The following ZNF737 variants were observed in gnomAD, a reference collection of about 807,000 sequenced individuals.
ZNF737 encodes zinc finger protein 737, also known as zinc finger protein 102 (Y3).
ZNF737 carries 13 observed loss-of-function variants against 11.7 expected under a neutral mutation model. The ratio of observed to expected loss-of-function variants is 1.11; its 90% CI spans 0.73 to 1.77. ZNF737 has a LOEUF of 1.77. Among genes scored for constraint, ZNF737 ranks in the 40% most tolerant of loss-of-function variants. The pLI, the probability that ZNF737 is intolerant of heterozygous loss-of-function variation, is 0.00. For synonymous variants in ZNF737, 217 were observed against 216.2 expected (o/e 1.00, Z -0.03); for missense variants, 636 against 638.0 (o/e 1.00, Z 0.03).
chr19:20,552,406 T>C, intron 3 of ZNF737, 69 bp downstream of exon 3: 2 of 1,123,258 alleles, frequency 1.8e-6, no homozygotes, highest in South Asian at 3.4e-5. Flanking sequence ...CTTTAAGGAC[T>C]GGCTTTCTCT....
rs1205030886 is a variant in ZNF737 at position 20,539,703 on chromosome 19, T to C, written c.*4889A>G. On this transcript the variant is annotated 3_prime_UTR_variant, in exon 4 of 4. Coordinates refer to ENST00000427401, the MANE Select transcript of ZNF737 (RefSeq NM_001159293.2). ...ATTTATAAATTCATTGTTTTTAAGG[T>C]TTTTCAAATATGAAAACAGACAATT... 1.0e-6 allele frequency: 1 copy of C among 969,628 alleles called. No homozygotes were observed. Among genetic ancestry groups the C allele is most frequent in the Non-Finnish European group, 1.2e-6 (1 of 815,872 alleles). The allele number at this position is 969,628 out of a possible 1,614,324, so 60.1% of individuals were successfully genotyped here.
intron 1 of ZNF737, among the ~76,000 whole-genome samples, chr19:20,563,734 C>T (rs1185575490): frequency 2.0e-5 from 3 of 152,106 alleles, no homozygotes; most frequent in African/African-American, 7.2e-5. Flanking sequence ...GATCCACTCA[C>T]CTCGGCCTCC....
At position 20,542,861 on chromosome 19, in the gene ZNF737, C is replaced by T. The variant is rs1418508912; in HGVS notation, c.*1731G>A. Reference sequence around the variant, plus strand: ...CATGTGAATAGAAATAAAATAACAGCATAATTTGAAAGCTGTATTACATCA... The same window carrying T: ...CATGTGAATAGAAATAAAATAACAGTATAATTTGAAAGCTGTATTACATCA... On this transcript the variant is annotated 3_prime_UTR_variant, in exon 4 of 4. Transcript: ENST00000427401. 6 of 984,922 alleles carry T rather than the reference C, an allele frequency of 6.1e-6. No homozygotes were observed. The African/African-American group carries it at 1.0e-4, about 17-fold the overall frequency. The allele number at this position is 984,922 out of a possible 1,614,324, so 61.0% of individuals were successfully genotyped here. A position where few individuals can be genotyped will look rare whatever the true frequency, so the allele number is the denominator to read the frequency against.
At chr19:20,561,970 G>C (rs1388156576) in intron 1 of ZNF737, among the ~76,000 whole-genome samples, 1 of 152,166 alleles carries the variant, frequency 6.6e-6, no homozygotes, top group Non-Finnish European at 1.5e-5. Context: ...ACGAATAAAA[G>C]AGATGGGGAA....
chr19:20,562,091 T>C (rs1479068983), intron 1 of ZNF737, among the ~76,000 whole-genome samples: 1 of 152,140 alleles, frequency 6.6e-6, no homozygotes, highest in Non-Finnish European at 1.5e-5. Context: ...CATTATGACT[T>C]AGTGCTCTCT....
chr19:20,545,630 A>G lies in ZNF737; in HGVS notation c.573T>C (p.His191=). Residue 191 remains histidine (H), a synonymous_variant, in exon 4 of 4, where the codon CAT becomes CAC. Transcript: ENST00000427401. ...AFNQSSTLTT[H]KKIHTGEKPF... ...GTTTCTCCCCAGTATGAATTTTCTT[A>G]TGTGTAGTAAGGGTTGAAGACTGGT... The G allele has an allele frequency of 6.2e-7, 1 of 1,614,018 alleles. No individual in the cohort carries two copies. The highest frequency in any genetic ancestry group is 8.5e-7 in the Non-Finnish European group (1 of 1,179,962).
At chr19:20,547,401 A>AAAAAC (rs375309959) in intron 3 of ZNF737, among the ~76,000 whole-genome samples, 13 of 141,220 alleles carry the variant, frequency 9.2e-5, no homozygotes, top group East Asian at 4.2e-4. Flanking sequence ...AAAAAAAAAA[A>AAAAAC]CACCACCTAC....
chr19:20,556,502 T>C (rs1273567262), intron 1 of ZNF737, among the ~76,000 whole-genome samples: 4 of 152,224 alleles, frequency 2.6e-5, no homozygotes, highest in Non-Finnish European at 4.4e-5. Context: ...CTCCACTTTA[T>C]GTAATGTGAT....
At chr19:20,535,374 G>C (rs1205684400), downstream of ZNF737, among the ~76,000 whole-genome samples, 1 of 152,094 alleles carries the variant, frequency 6.6e-6, no homozygotes, top group Non-Finnish European at 1.5e-5. Context: ...TCACCAATAG[G>C]TGAATGGAGA....
chr19:20,560,375 G>A (rs1329238003), intron 1 of ZNF737, among the ~76,000 whole-genome samples: 2 of 151,310 alleles, frequency 1.3e-5, no homozygotes, highest in African/African-American at 4.9e-5. Flanking sequence ...AAAAGATTTA[G>A]TCAAAATAAA....
At position 20,538,457 on chromosome 19, in the gene ZNF737, C is replaced by T. The variant is rs1210885350; in HGVS notation, c.*6135G>A. Among the ~76,000 whole-genome samples, 3 of 152,316 alleles carry T rather than the reference C, an allele frequency of 2.0e-5. No homozygotes were observed. In the East Asian group the frequency reaches 5.8e-4, roughly 29 times the overall value. On this transcript the variant is annotated 3_prime_UTR_variant, in exon 4 of 4. Transcript: ENST00000427401. ...GACATACAGAATGTGAGGTCCCATTCCAGCCAATGAAAACCAGACACAGCA... is the reference window on the plus strand; with the variant it reads ...GACATACAGAATGTGAGGTCCCATTTCAGCCAATGAAAACCAGACACAGCA...
In ZNF737 at chr19:20,544,302, G is replaced by T; in HGVS notation, c.*290C>A. The T allele has an allele frequency of 8.1e-7, 1 of 1,234,296 alleles. No homozygotes were observed. Among genetic ancestry groups the T allele is most frequent in the Non-Finnish European group, 1.0e-6 (1 of 986,686 alleles). 76.5% of individuals were successfully genotyped at this position (1,234,296 alleles called of 1,614,324 possible). ...ATATAAATTCTCATATTTAGTAAAA[G>T]TTGATAGCTGGTTAAAGGCTTTCCG... On this transcript the variant is annotated 3_prime_UTR_variant, in exon 4 of 4. Coordinates refer to ENST00000427401, the MANE Select transcript of ZNF737 (RefSeq NM_001159293.2).
At chr19:20,564,839 C>G (rs1291913756) in intron 1 of ZNF737, among the ~76,000 whole-genome samples, 1 of 110,052 alleles carries the variant, frequency 9.1e-6, no homozygotes, top group Non-Finnish European at 2.1e-5. Flanking sequence ...AAAATCTAAG[C>G]TCATGTGCAT....
chr19:20,553,649 AAG>A, intron 2 of ZNF737, 58 bp downstream of exon 2: 2 of 1,512,024 alleles, frequency 1.3e-6, no homozygotes, highest in Non-Finnish European at 9.0e-7. Flanking sequence ...AAAATTCTAC[AAG>A]AGAGAGAAAT....
Position 20,553,740 on chromosome 19 carries a change from C to T in ZNF737, c.99G>A (p.Met33Ile), listed in dbSNP as rs1968782564. The change falls in exon 2 of 4, where the codon ATG becomes ATA. Residue 33 changes from methionine (M) to isoleucine (I), a missense_variant. Transcript: ENST00000427401. ...TAQRNLYRNVMLENYRNLVFL... is the reference protein window; with the variant it reads ...TAQRNLYRNVILENYRNLVFL... ...AGACCAGGTTTCTGTAGTTCTCTAA[C>T]ATCACATTCCTATATAAATTCCGCT... is the stretch of plus-strand genomic sequence containing the variant. The T allele has an allele frequency of 6.2e-7, 1 of 1,613,936 alleles. No homozygotes were observed. The highest frequency in any genetic ancestry group is 8.5e-7 in the Non-Finnish European group (1 of 1,179,928).
rs1467472028 is a variant in ZNF737, at chr19:20,544,646, C to A, written c.1557G>T (p.Lys519Asn). ...TATGTGTAGTAAGGGTAGAGGGGCA[C>A]TTAAAGCCTTTGCCACATTCTTCAC... ...YKCEECGKGF[K>N]CPSTLTTHKV... Residue 519 changes from lysine (K) to asparagine (N), a missense_variant, in exon 4 of 4, where the codon AAG becomes AAT. Physicochemically the swap from Lys to Asn is moderately conservative, Grantham distance 94 (BLOSUM62 0). Transcript: ENST00000427401. The A allele has an allele frequency of 2.6e-5, 42 of 1,600,560 alleles. No homozygotes were observed. In the East Asian group the frequency reaches 9.5e-4, roughly 36 times the overall value.
downstream of ZNF737, among the ~76,000 whole-genome samples, chr19:20,531,122 G>T (rs1967815404): frequency 6.8e-6 from 1 of 146,376 alleles, no homozygotes. Context: ...CAGGCACTCG[G>T]CAGGCTGAGG....
Position 20,543,027 on chromosome 19 carries a change from T to A in ZNF737, c.*1565A>T, listed in dbSNP as rs10410284. 5.0e-3 allele frequency: 4,973 copies of A among 985,272 alleles called. 207 individuals are homozygous for A. In the African/African-American group the frequency reaches 0.081, roughly 16 times the overall value. 61.0% of individuals were successfully genotyped at this position (985,272 alleles called of 1,614,324 possible). A position where few individuals can be genotyped will look rare whatever the true frequency, so the allele number is the denominator to read the frequency against. On this transcript the variant is annotated 3_prime_UTR_variant, in exon 4 of 4. Transcript: ENST00000427401. ...TGCAGTTGTGGATTAGTTTTTATAT[T>A]CAATGCTCTGATTTAGTGTAATGTC... is the stretch of plus-strand genomic sequence containing the variant.
chr19:20,536,111 T>C (rs1175315004), downstream of ZNF737: 1 of 985,166 alleles, frequency 1.0e-6, no homozygotes, highest in Non-Finnish European at 1.2e-6. Flanking sequence ...GAGTAGCAGT[T>C]TTCTAGTAGG....
Sources: gnomAD v4.1 joint callset for allele counts (sites outside exome capture counted in the v4.1 genomes callset) on GRCh38, gnomAD v4.1.1 for gene constraint, MANE v1.5 for transcripts, NCBI Gene and HGNC (gene_info 2026-07-23, HGNC 2026-07-21) for gene names.